ST3GAL2: variants seen among roughly 807,000 people sequenced by gnomAD.
ST3GAL2 encodes CMP-N-acetylneuraminate-beta-galactosamide-alpha-2,3-sialyltransferase 2.
Under a neutral mutation model 37.5 loss-of-function variants are expected in ST3GAL2, and 16 were observed. That is an observed-to-expected ratio of 0.43 (90% CI 0.29 to 0.65). ST3GAL2 has a LOEUF of 0.65. Among genes scored for constraint, ST3GAL2 ranks in the 30% least tolerant of loss-of-function variants. The pLI is 0.17. For missense variants in ST3GAL2, 383 were observed against 487.8 expected, an observed-to-expected ratio of 0.79 and a Z score of 2.02; for synonymous variants, 238 against 202.9, an observed-to-expected ratio of 1.17 and a Z score of -1.47.
At chr16:70,427,616 C>T (rs879380555) in intron 1 of ST3GAL2, among the ~76,000 whole-genome samples, 1 of 152,144 alleles carries the variant, frequency 6.6e-6, no homozygotes, top group East Asian at 1.9e-4. Context: ...GGATTACAGG[C>T]GTGAGCCACT....
chr16:70,397,369 C>T (rs566494923), intron 2 of ST3GAL2, among the ~76,000 whole-genome samples: 8 of 151,898 alleles, frequency 5.3e-5, no homozygotes, highest in African/African-American at 7.2e-5. Flanking sequence ...TATCCCAGCC[C>T]AGTAAAAAGT....
chr16:70,424,143 C>T (rs1027573144), intron 1 of ST3GAL2, among the ~76,000 whole-genome samples: 4 of 150,356 alleles, frequency 2.7e-5, no homozygotes, highest in African/African-American at 4.9e-5. Flanking sequence ...TGCGCCATGA[C>T]GCCCAGCTAA....
At chr16:70,407,445 G>T (rs185031373) in intron 1 of ST3GAL2, among the ~76,000 whole-genome samples, 1 of 152,284 alleles carries the variant, frequency 6.6e-6, no homozygotes, top group Admixed American at 6.5e-5. Flanking sequence ...CAATACTACA[G>T]TCTTCTAAGA....
At chr16:70,383,026 G>A (rs889436604) in intron 5 of ST3GAL2, 102 bp from the exon 6 acceptor site, 82 of 1,583,138 alleles carry the variant, frequency 5.2e-5, no homozygotes, top group East Asian at 4.8e-4. Context: ...AGACCTGTGC[G>A]TCTGTGTCTC....
In ST3GAL2 at chr16:70,421,858, T is replaced by C. The variant is rs543533157; in HGVS notation, c.-1004+17091A>G. On this transcript the variant is annotated intron_variant, in intron 1 of 6. Transcript: ENST00000342907. ...TCGCTTTCAGAGTCCAAAGCCCTCA[T>C]AGGGCCATTGTGAGGCTAGGGCATC... Among the ~76,000 whole-genome samples, 6 of 131,078 alleles carry C rather than the reference T, an allele frequency of 4.6e-5. No homozygotes were observed. The East Asian group carries it at 9.6e-4, about 21-fold the overall frequency. 86.0% of individuals were successfully genotyped at this position (131,078 alleles called of 152,430 possible). A position where few individuals can be genotyped will look rare whatever the true frequency, so the allele number is the denominator to read the frequency against.
Position 70,379,115 on chromosome 16 carries a change from G to C in ST3GAL2, c.*2574C>G, listed in dbSNP as rs1337466456. On this transcript the variant is annotated 3_prime_UTR_variant, in exon 7 of 7. Transcript: ENST00000342907. ...ACCTGACTTAGATGCACTTCCCTGA[G>C]AGGTGGGGACAGCCCAGCCTGTGGC... 1 of 152,258 alleles carries C rather than the reference G, an allele frequency of 6.6e-6. No homozygotes were observed. The highest frequency in any genetic ancestry group is 1.5e-5 in the Non-Finnish European group (1 of 68,068). The allele number at this position is 152,258 out of a possible 1,614,324, so 9.4% of individuals were successfully genotyped here.
rs1425868779 is a variant in ST3GAL2 at position 70,380,266 on chromosome 16, G to A, written c.*1423C>T. The stretch of plus-strand genomic sequence containing the variant: ...CCCATCCCAACCCTCCCCTAACAAA[G>A]TCCCCTGCCGGTCCCTGTTCCCTCA... On this transcript the variant is annotated 3_prime_UTR_variant, in exon 7 of 7. Coordinates refer to ENST00000342907, the MANE Select transcript of ST3GAL2 (RefSeq NM_006927.4). 7 of 151,908 alleles carry A rather than the reference G, an allele frequency of 4.6e-5. No homozygotes were observed. The highest frequency in any genetic ancestry group is 2.0e-4 in the Admixed American group (3 of 15,264). The allele number at this position is 151,908 out of a possible 1,614,324, so 9.4% of individuals were successfully genotyped here.
rs72523670 is a variant in ST3GAL2, at chr16:70,420,011, A to ACC, written c.-1004+18936_-1004+18937dup. ...TAGGGACACCACAACTGACCATTTG[A>ACC]CCCCCCCCTTCCCTTTTTTTTTTTT... On this transcript the variant is annotated intron_variant, in intron 1 of 6. Transcript: ENST00000342907. Among the ~76,000 whole-genome samples, 134 of 119,430 alleles carry ACC rather than the reference A, an allele frequency of 1.1e-3. 3 individuals carry two copies. The South Asian group carries it at 0.025, about 22-fold the overall frequency. The allele number at this position is 119,430 out of a possible 152,430, so 78.4% of individuals were successfully genotyped here.
At chr16:70,384,662 G>A (rs1460772962) in intron 4 of ST3GAL2, among the ~76,000 whole-genome samples, 2 of 140,152 alleles carry the variant, frequency 1.4e-5, no homozygotes, top group African/African-American at 5.4e-5. Context: ...CCGACATTGT[G>A]CCACACTGTA....
chr16:70,409,128 T>C (rs1226757292), intron 1 of ST3GAL2, among the ~76,000 whole-genome samples: 2 of 151,896 alleles, frequency 1.3e-5, no homozygotes, highest in African/African-American at 2.4e-5. Context: ...CACTAAGGCA[T>C]GAAGTAACGT....
At chr16:70,428,473 C>T (rs1260961231) in intron 1 of ST3GAL2, among the ~76,000 whole-genome samples, 5 of 152,200 alleles carry the variant, frequency 3.3e-5, no homozygotes, top group South Asian at 2.1e-4. Flanking sequence ...ACCCCTCCCC[C>T]GCTTCCTGTA....
intron 1 of ST3GAL2, among the ~76,000 whole-genome samples, chr16:70,424,660 T>C (rs994434559): frequency 9.2e-5 from 14 of 152,094 alleles, no homozygotes; most frequent in African/African-American, 3.1e-4. Context: ...AAATGGAAAA[T>C]GGTTGCACAT....
intron 4 of ST3GAL2, among the ~76,000 whole-genome samples, chr16:70,386,089 C>T (rs2047441102): frequency 6.6e-6 from 1 of 152,008 alleles, no homozygotes; most frequent in Non-Finnish European, 1.5e-5. Flanking sequence ...GGCACAATCT[C>T]GTCTCACTGT....
intron 1 of ST3GAL2, among the ~76,000 whole-genome samples, chr16:70,435,794 CAAAATAAAATAAAAT>C (rs375297989): frequency 7.1e-5 from 10 of 141,340 alleles, no homozygotes; most frequent in Middle Eastern, 3.6e-3. Context: ...AACCTCGTCT[CAAAATAAAATAAAAT>C]AAAATAAAAT....
chr16:70,408,890 CAAAAAAA>C (rs59060353), intron 1 of ST3GAL2, among the ~76,000 whole-genome samples: 61 of 59,826 alleles, frequency 1.0e-3, no homozygotes, highest in Middle Eastern at 0.021. Context: ...CTCAAAGAAA[CAAAAAAA>C]AAAAAAAAAA....
At chr16:70,409,034 C>G (rs2047617000) in intron 1 of ST3GAL2, among the ~76,000 whole-genome samples, 2 of 151,736 alleles carry the variant, frequency 1.3e-5, no homozygotes, top group Admixed American at 1.3e-4. Flanking sequence ...TCAGATCCAC[C>G]ACCTGCTACC....
intron 1 of ST3GAL2, among the ~76,000 whole-genome samples, chr16:70,427,091 C>T (rs1370439785): frequency 3.3e-5 from 5 of 152,102 alleles, no homozygotes; most frequent in Non-Finnish European, 7.4e-5. Flanking sequence ...TTAGGCAATC[C>T]TCTTACCTCA....
At chr16:70,400,881 G>C (rs532530922) in intron 1 of ST3GAL2, 2 of 152,182 alleles carry the variant, frequency 1.3e-5, no homozygotes, top group African/African-American at 4.8e-5. Flanking sequence ...TCTAATCCAC[G>C]GAGACCCCAG....
chr16:70,399,849 G>A (rs1241607855), intron 1 of ST3GAL2: 1 of 158,566 alleles, frequency 6.3e-6, no homozygotes, highest in African/African-American at 2.4e-5. Context: ...AATTTCAGGT[G>A]AAAAGTCAGA....
Sources: gnomAD v4.1 joint callset for allele counts (sites outside exome capture counted in the v4.1 genomes callset) on GRCh38, gnomAD v4.1.1 for gene constraint, MANE v1.5 for transcripts, NCBI Gene and HGNC (gene_info 2026-07-23, HGNC 2026-07-21) for gene names.